Variants in PIWIL3 observed in about 807,000 individuals in gnomAD.
PIWIL3 encodes the protein piwi like RNA-mediated gene silencing 3, also known as piwi-like protein 3.
Under a neutral mutation model 109.7 loss-of-function variants are expected in PIWIL3, and 101 were observed. The ratio of observed to expected loss-of-function variants is 0.92; its 90% CI spans 0.78 to 1.09. The LOEUF is 1.09. Among genes scored for constraint, PIWIL3 ranks in the 50% least tolerant of loss-of-function variants. PIWIL3 has a pLI of 0.00. For missense variants in PIWIL3, 1,031 were observed against 1,072.6 expected (o/e 0.96, Z 0.54); for synonymous variants, 373 against 376.4 (o/e 0.99, Z 0.10).
rs1021945021 is a variant in PIWIL3, at chr22:24,759,976, G to A, written c.116C>T (p.Pro39Leu). The change falls in exon 3 of 21, where the codon CCT becomes CTT. Residue 39 changes from proline to leucine, a missense_variant. By Grantham distance (98) the Pro-to-Leu change is moderately conservative. Transcript: ENST00000616349. ...CGGCCGGGGTGTCGACTGCAACTGAGGGGGCTCCTGGGTCTGCATGTTTTT... is the reference window on the plus strand; with the variant it reads ...CGGCCGGGGTGTCGACTGCAACTGAAGGGGCTCCTGGGTCTGCATGTTTTT... ...APGSATTQEPPQLQSTPRPLQ... is the reference protein window; with the variant it reads ...APGSATTQEPLQLQSTPRPLQ... The A allele has an allele frequency of 3.1e-6, 5 of 1,613,986 alleles. No homozygotes were observed. In the African/African-American group the frequency reaches 5.3e-5, roughly 17 times the overall value.
chr22:24,723,412 C>T (rs149710866), intron 18 of PIWIL3, among the ~76,000 whole-genome samples, 157 bp from the exon 19 acceptor site: 1 of 152,260 alleles, frequency 6.6e-6, no homozygotes, highest in East Asian at 1.9e-4. Context: ...TCCATGTGCC[C>T]GGTTGAAGCA....
chr22:24,729,188 A>AAAGCT (rs1203519451), intron 14 of PIWIL3, among the ~76,000 whole-genome samples: 3 of 152,134 alleles, frequency 2.0e-5, no homozygotes, highest in Non-Finnish European at 4.4e-5. Context: ...GATAAGGGAA[A>AAAGCT]TTTCTTAGAA....
intron 1 of PIWIL3, among the ~76,000 whole-genome samples, chr22:24,766,128 G>A (rs919997692): frequency 4.0e-5 from 6 of 151,476 alleles, no homozygotes; most frequent in Non-Finnish European, 5.9e-5. Flanking sequence ...TGGAACTGCA[G>A]GTGCTGCCAC....
Position 24,754,121 on chromosome 22 carries a change from T to A in PIWIL3, c.870A>T (p.Arg290=). Residue 290 remains arginine (R), a synonymous_variant, in exon 8 of 21, where the codon CGA becomes CGT. Transcript: ENST00000616349. ...TTATGAAATCATAAGCAGTTTCTATTCGGAGCAGTTTGTGGCTCACATCGG... is the reference window on the plus strand; with the variant it reads ...TTATGAAATCATAAGCAGTTTCTATACGGAGCAGTTTGTGGCTCACATCGG... ...LCADVSHKLL[R]IETAYDFIKR... 6.2e-7 allele frequency: 1 copy of A among 1,613,820 alleles called. No homozygotes were observed. The highest frequency in any genetic ancestry group is 1.7e-5 in the Admixed American group (1 of 60,034).
chr22:24,761,113 G>C (rs1925413916), intron 2 of PIWIL3, among the ~76,000 whole-genome samples: 1 of 152,126 alleles, frequency 6.6e-6, no homozygotes, highest in South Asian at 2.1e-4. Context: ...TTGGGAGTGT[G>C]AGTTGTCCAC....
intron 1 of PIWIL3, among the ~76,000 whole-genome samples, chr22:24,771,856 C>T (rs748829732): frequency 4.6e-5 from 7 of 151,964 alleles, no homozygotes; most frequent in Non-Finnish European, 7.4e-5. Flanking sequence ...TCCTCATGCC[C>T]GGCTAATTTT....
chr22:24,749,364 T>C (rs189747689), intron 11 of PIWIL3, 40 bp downstream of exon 11: 10 of 1,607,166 alleles, frequency 6.2e-6, no homozygotes, highest in East Asian at 4.5e-5. Context: ...TGGGACACCA[T>C]GCACATGTAC....
In PIWIL3 at chr22:24,755,900, C is replaced by CA; in HGVS notation, c.575dup (p.Glu193GlyfsTer17). The CA allele has an allele frequency of 6.2e-7, 1 of 1,610,728 alleles. No homozygotes were observed. The highest frequency in any genetic ancestry group is 1.3e-5 in the African/African-American group (1 of 74,352). On this transcript the variant is annotated frameshift_variant, in exon 6 of 21. Transcript: ENST00000616349. LOFTEE classifies it high-confidence loss of function. Reference sequence around the variant, plus strand: ...TGTCTTTGGTTGTGCTCAACCATTCCACTCTCTGAGATTAAAAAAAAACAA... The same window carrying CA: ...TGTCTTTGGTTGTGCTCAACCATTCCAACTCTCTGAGATTAAAAAAAAACAA...
At chr22:24,738,435 C>A (rs1923792162) in intron 12 of PIWIL3, among the ~76,000 whole-genome samples, 1 of 152,248 alleles carries the variant, frequency 6.6e-6, no homozygotes, top group South Asian at 2.1e-4. Context: ...CACAGTGGGC[C>A]TTGGGCAAGA....
chr22:24,732,042 C>A (rs1407296918), intron 14 of PIWIL3, among the ~76,000 whole-genome samples: 4 of 152,282 alleles, frequency 2.6e-5, no homozygotes, highest in Non-Finnish European at 5.9e-5. Flanking sequence ...TAAAGAAAAC[C>A]GACACATCCC....
At chr22:24,726,748 A>G (rs1362047977) in intron 16 of PIWIL3, among the ~76,000 whole-genome samples, 1 of 152,220 alleles carries the variant, frequency 6.6e-6, no homozygotes, top group Non-Finnish European at 1.5e-5. Flanking sequence ...GTAGAGCAAA[A>G]CAATATTATC....
chr22:24,724,429 T>G (rs1922865181), intron 18 of PIWIL3, among the ~76,000 whole-genome samples: 2 of 150,906 alleles, frequency 1.3e-5, no homozygotes, highest in African/African-American at 4.9e-5. Context: ...GCTCAGCTAA[T>G]TTTTTCATTT....
chr22:24,746,747 T>C (rs1472129641), intron 12 of PIWIL3, among the ~76,000 whole-genome samples: 1 of 151,624 alleles, frequency 6.6e-6, no homozygotes, highest in Non-Finnish European at 1.5e-5. Flanking sequence ...AAGAATCCCA[T>C]TTACAATAGA....
chr22:24,768,679 A>G (rs1265849061), intron 1 of PIWIL3, among the ~76,000 whole-genome samples: 1 of 152,224 alleles, frequency 6.6e-6, no homozygotes, highest in Non-Finnish European at 1.5e-5. Context: ...CTGTCCTGCC[A>G]GCCACTGTGA....
intron 12 of PIWIL3, 69 bp downstream of exon 12, chr22:24,748,838 A>G: frequency 8.1e-7 from 1 of 1,232,708 alleles, no homozygotes. Flanking sequence ...CTGAGACTCA[A>G]GTTAGTTCCT....
chr22:24,772,549 G>C (rs1478163419), intron 1 of PIWIL3, among the ~76,000 whole-genome samples: 1 of 152,188 alleles, frequency 6.6e-6, no homozygotes, highest in Non-Finnish European at 1.5e-5. Flanking sequence ...GAGCTCAGCA[G>C]GTGCTGAGTG....
intron 5 of PIWIL3, 138 bp downstream of exon 5, chr22:24,756,353 G>C (rs574981467): frequency 1.7e-4 from 127 of 766,078 alleles, no homozygotes; most frequent in Non-Finnish European, 2.4e-4. Flanking sequence ...TGGCACATAG[G>C]TTTCACAACA....
At chr22:24,724,380 GCTTT>G (rs1922862105) in intron 18 of PIWIL3, among the ~76,000 whole-genome samples, 1 of 151,392 alleles carries the variant, frequency 6.6e-6, no homozygotes, top group Non-Finnish European at 1.5e-5. Context: ...CCCCACCTCA[GCTTT>G]CTGAGTAGCT....
chr22:24,751,353 A>G (rs761002396), intron 9 of PIWIL3, 34 bp downstream of exon 9: 7 of 1,544,654 alleles, frequency 4.5e-6, no homozygotes, highest in Non-Finnish European at 4.4e-6. Flanking sequence ...AAGGTTTACA[A>G]TTTAAATATA....
Sources: gnomAD v4.1 joint callset for allele counts (sites outside exome capture counted in the v4.1 genomes callset) on GRCh38, gnomAD v4.1.1 for gene constraint, MANE v1.5 for transcripts, NCBI Gene and HGNC (gene_info 2026-07-23, HGNC 2026-07-21) for gene names.